The following HIP1 variants were observed in gnomAD, a reference collection of about 807,000 sequenced individuals.
HIP1 encodes huntingtin interacting protein 1, also known as huntingtin-interacting protein 1.
A neutral mutation model predicts 147.6 loss-of-function variants in HIP1; 65 were observed. The ratio of observed to expected loss-of-function variants is 0.44; its 90% CI spans 0.36 to 0.54. The LOEUF is 0.54. Among genes scored for constraint, HIP1 ranks in the 20% least tolerant of loss-of-function variants. The probability of loss-of-function intolerance (pLI) is 0.00; values close to 1 mark genes in which losing one functional copy is unlikely to be tolerated. For synonymous variants in HIP1, 479 were observed against 504.0 expected (o/e 0.95, Z 0.67); for missense variants, 1,061 against 1,299.6 (o/e 0.82, Z 2.82).
In HIP1 at chr7:75,627,183, A is replaced by T. The variant is rs912441766; in HGVS notation, c.121-27936T>A. Among the ~76,000 whole-genome samples, 7 of 152,284 alleles carry T rather than the reference A, an allele frequency of 4.6e-5. 1 individual carries two copies. The South Asian group carries it at 1.4e-3, about 32-fold the overall frequency. ...AGGCTATCTCTCCTCGGGGACAGAG[A>T]AGCCAAAGTGTGTACTTCAATGAAG... On this transcript the variant is annotated intron_variant, in intron 1 of 30. Transcript: ENST00000336926.
intron 9 of HIP1, among the ~76,000 whole-genome samples, chr7:75,566,896 G>C (rs1477172631): frequency 6.6e-6 from 1 of 151,252 alleles, no homozygotes; most frequent in East Asian, 1.9e-4. Context: ...CAGATCACTT[G>C]AGGTCAGGAG....
At chr7:75,680,119 T>G (rs2705795) in intron 1 of HIP1, among the ~76,000 whole-genome samples, 1 of 151,942 alleles carries the variant, frequency 6.6e-6, no homozygotes, top group Non-Finnish European at 1.5e-5. Context: ...CTCAGCTCAC[T>G]GTAACCTCTA....
intron 1 of HIP1, among the ~76,000 whole-genome samples, chr7:75,607,877 T>C (rs1437275085): frequency 6.6e-6 from 1 of 150,970 alleles, no homozygotes; most frequent in Non-Finnish European, 1.5e-5. Flanking sequence ...AGAGACACGA[T>C]CAGAATCCAC....
At chr7:75,619,129 T>A (rs904386810) in intron 1 of HIP1, among the ~76,000 whole-genome samples, 1 of 152,164 alleles carries the variant, frequency 6.6e-6, no homozygotes, top group Non-Finnish European at 1.5e-5. Flanking sequence ...CACCCCCAAA[T>A]TGGACTCATT....
intron 1 of HIP1, among the ~76,000 whole-genome samples, chr7:75,658,136 C>T (rs1212604870): frequency 6.6e-6 from 1 of 152,188 alleles, no homozygotes; most frequent in African/African-American, 2.4e-5. Flanking sequence ...CTCTGTCGCC[C>T]AGGCTGGAGT....
chr7:75,667,734 T>C (rs1223085931), intron 1 of HIP1, among the ~76,000 whole-genome samples: 1 of 152,122 alleles, frequency 6.6e-6, no homozygotes, highest in Non-Finnish European at 1.5e-5. Flanking sequence ...CAAGGAATCC[T>C]CCCACCTCGG....
intron 1 of HIP1, among the ~76,000 whole-genome samples, chr7:75,715,666 T>C (rs1036287993): frequency 6.8e-6 from 1 of 147,198 alleles, no homozygotes; most frequent in Non-Finnish European, 1.5e-5. Context: ...TCCCAGCTAC[T>C]CAGGAGGCTG....
chr7:75,555,235 C>T (rs1306558591), intron 19 of HIP1, among the ~76,000 whole-genome samples, 181 bp downstream of exon 19: 3 of 132,788 alleles, frequency 2.3e-5, no homozygotes, highest in African/African-American at 8.1e-5. Flanking sequence ...AGTGTATAGG[C>T]ACTAATGCAC....
chr7:75,674,840 C>G (rs1325331771), intron 1 of HIP1, among the ~76,000 whole-genome samples: 2 of 151,668 alleles, frequency 1.3e-5, no homozygotes, highest in Admixed American at 1.3e-4. Context: ...TTAAAAATCC[C>G]TTGTATGTGA....
chr7:75,718,216 A>C (rs1801382058), intron 1 of HIP1, among the ~76,000 whole-genome samples: 1 of 151,940 alleles, frequency 6.6e-6, no homozygotes, highest in Non-Finnish European at 1.5e-5. Flanking sequence ...TTAGCTTAGC[A>C]TGGTGGTGCA....
At chr7:75,554,618 G>C in intron 19 of HIP1, 92 bp from the exon 20 acceptor site, 13 of 859,574 alleles carry the variant, frequency 1.5e-5, no homozygotes, top group East Asian at 2.5e-5. Context: ...AGCTTACCTA[G>C]TGGGTAAGCT....
chr7:75,666,749 C>T (rs1479132769), intron 1 of HIP1, among the ~76,000 whole-genome samples: 4 of 151,986 alleles, frequency 2.6e-5, no homozygotes, highest in Non-Finnish European at 4.4e-5. Flanking sequence ...GAACAGTTCC[C>T]GACCCCAAGA....
At chr7:75,731,478 C>CAAAAA (rs1214036700) in intron 1 of HIP1, among the ~76,000 whole-genome samples, 5 of 36,306 alleles carry the variant, frequency 1.4e-4, no homozygotes, top group Non-Finnish European at 2.7e-4. Context: ...GACTCCAACT[C>CAAAAA]AAAAAAAAAA....
intron 16 of HIP1, 123 bp from the exon 17 acceptor site, chr7:75,556,934 C>A: frequency 1.7e-6 from 1 of 603,668 alleles, no homozygotes; most frequent in Non-Finnish European, 2.9e-6. Context: ...TAAGTTACAC[C>A]CCCCCAAAAA....
At chr7:75,564,338 A>G (rs1236815931) in intron 9 of HIP1, among the ~76,000 whole-genome samples, 1 of 151,500 alleles carries the variant, frequency 6.6e-6, no homozygotes, top group Non-Finnish European at 1.5e-5. Context: ...CTTATTGCCC[A>G]GGCTGGAGTG....
At chr7:75,619,515 C>CA (rs587631989) in intron 1 of HIP1, among the ~76,000 whole-genome samples, 2,797 of 109,586 alleles carry the variant, frequency 0.026, 128 homozygotes, top group African/African-American at 0.082. Flanking sequence ...GACTTTGTCT[C>CA]AAAAAAAAAA....
chr7:75,631,686 T>C (rs1254415531), intron 1 of HIP1, among the ~76,000 whole-genome samples: 6 of 152,122 alleles, frequency 3.9e-5, no homozygotes, highest in African/African-American at 1.2e-4. Flanking sequence ...GAATGACCCA[T>C]GGATTAATTT....
At chr7:75,569,581 C>A (rs782028939) in intron 8 of HIP1, among the ~76,000 whole-genome samples, 2 of 152,152 alleles carry the variant, frequency 1.3e-5, no homozygotes, top group Non-Finnish European at 2.9e-5. Context: ...TGCACTCCAG[C>A]CTGGGTGACA....
chr7:75,570,542 C>T (rs587623775), intron 8 of HIP1, among the ~76,000 whole-genome samples: 44 of 143,062 alleles, frequency 3.1e-4, no homozygotes, highest in Middle Eastern at 9.3e-3. Context: ...CCGCCCACCT[C>T]GGCCTCCCAA....
Sources: gnomAD v4.1 joint callset for allele counts (sites outside exome capture counted in the v4.1 genomes callset) on GRCh38, gnomAD v4.1.1 for gene constraint, MANE v1.5 for transcripts, NCBI Gene and HGNC (gene_info 2026-07-23, HGNC 2026-07-21) for gene names.